Variants in WWTR1 observed in about 807,000 individuals in gnomAD.
WWTR1 encodes the protein WW domain-containing transcription regulator protein 1.
A neutral mutation model predicts 40.1 loss-of-function variants in WWTR1; 13 were observed. The ratio of observed to expected loss-of-function variants is 0.32; its 90% CI spans 0.21 to 0.52. The LOEUF (loss-of-function observed/expected upper bound fraction) is 0.52. Among genes scored for constraint, WWTR1 ranks in the 20% least tolerant of loss-of-function variants. The pLI, the probability that WWTR1 is intolerant of heterozygous loss-of-function variation, is 0.97. For missense variants in WWTR1, 436 were observed against 523.1 expected, an observed-to-expected ratio of 0.83 and a Z score of 1.63; for synonymous variants, 230 against 210.1, an observed-to-expected ratio of 1.09 and a Z score of -0.82.
chr3:149,723,196 T>TC (rs1715799228), intron 4 of WWTR1, among the ~76,000 whole-genome samples: 1 of 144,668 alleles, frequency 6.9e-6, no homozygotes, highest in Non-Finnish European at 1.5e-5. Flanking sequence ...TTTTTTTTTT[T>TC]TTTTTTTTTG....
intron 2 of WWTR1, among the ~76,000 whole-genome samples, chr3:149,634,095 G>T (rs2108113231): frequency 6.6e-6 from 1 of 152,294 alleles, no homozygotes. Context: ...AGGAAGGAAA[G>T]ATGAGAGGTC....
chr3:149,539,791 A>G (rs1736002575), intron 4 of WWTR1, among the ~76,000 whole-genome samples: 1 of 152,044 alleles, frequency 6.6e-6, no homozygotes, highest in Non-Finnish European at 1.5e-5. Flanking sequence ...AAATCACCAA[A>G]AGAGTTCAAA....
intron 2 of WWTR1, among the ~76,000 whole-genome samples, chr3:149,593,129 C>A (rs561842295): frequency 6.6e-6 from 1 of 152,330 alleles, no homozygotes; most frequent in Admixed American, 6.5e-5. Flanking sequence ...TCCCTAGACA[C>A]CACAAATAGG....
chr3:149,677,499 C>A (rs535790892), intron 1 of WWTR1, among the ~76,000 whole-genome samples: 7 of 152,226 alleles, frequency 4.6e-5, no homozygotes, highest in African/African-American at 2.4e-5. Flanking sequence ...CTACAGAGCA[C>A]TTTCCAGTAT....
chr3:149,571,217 T>C (rs1181574584), intron 3 of WWTR1, among the ~76,000 whole-genome samples: 1 of 88,052 alleles, frequency 1.1e-5, no homozygotes, highest in African/African-American at 3.6e-5. Flanking sequence ...TTCTTTTCTT[T>C]TTTTTTTTTT....
chr3:149,637,361 G>A (rs1278119199), intron 2 of WWTR1, among the ~76,000 whole-genome samples: 1 of 151,954 alleles, frequency 6.6e-6, no homozygotes, highest in African/African-American at 2.4e-5. Flanking sequence ...CAGTAGCTGG[G>A]ATTACAGGGG....
rs368881113 is a variant in WWTR1, at chr3:149,657,237, G to C, written c.70C>G (p.Leu24Val). 1.5e-5 allele frequency: 25 copies of C among 1,613,180 alleles called. No homozygotes were observed. Among genetic ancestry groups the C allele is most frequent in the Non-Finnish European group, 5.1e-6 (6 of 1,179,768 alleles). ...AAGAGGGCTTCGAGGTCTGTGTCTA[G>C]GTCCTGCGTGACGTGGATCACTTGC... is the stretch of plus-strand genomic sequence containing the variant. The part of the protein sequence containing the change: ...GQQVIHVTQD[L>V]DTDLEALFNS... The change falls in exon 2 of 7, where the codon CTA becomes GTA. Residue 24 changes from leucine to valine, a missense_variant. Coordinates refer to ENST00000360632, the MANE Select transcript of WWTR1 (RefSeq NM_015472.6).
intron 2 of WWTR1, among the ~76,000 whole-genome samples, chr3:149,627,364 G>T (rs769418413): frequency 6.6e-6 from 1 of 152,170 alleles, no homozygotes; most frequent in Non-Finnish European, 1.5e-5. Flanking sequence ...AATCAACCCT[G>T]AATTTATGCT....
At chr3:149,648,853 C>G (rs1384428510) in intron 2 of WWTR1, 1 of 152,202 alleles carries the variant, frequency 6.6e-6, no homozygotes, top group Non-Finnish European at 1.5e-5. Flanking sequence ...AGCTCTTTGG[C>G]CTGGTTTGTC....
At chr3:149,563,125 T>C (rs1157181147) in intron 3 of WWTR1, among the ~76,000 whole-genome samples, 2 of 152,120 alleles carry the variant, frequency 1.3e-5, no homozygotes, top group African/African-American at 4.8e-5. Context: ...TTGTCAAAAT[T>C]ATTTTTAAAA....
chr3:149,603,718 T>C (rs1415806762), intron 2 of WWTR1, among the ~76,000 whole-genome samples: 1 of 152,156 alleles, frequency 6.6e-6, no homozygotes. Context: ...CAGAAAGTTT[T>C]GTGTTACACA....
intron 1 of WWTR1, among the ~76,000 whole-genome samples, chr3:149,679,416 T>C (rs1714382215): frequency 1.3e-5 from 2 of 152,214 alleles, no homozygotes; most frequent in Admixed American, 1.3e-4. Flanking sequence ...AATGAATATG[T>C]CCTAACTTCC....
chr3:149,717,659 TGATC>T (rs2108235666), intron 4 of WWTR1: 1 of 152,364 alleles, frequency 6.6e-6, no homozygotes, highest in South Asian at 2.1e-4. Flanking sequence ...ACAAGGGTGA[TGATC>T]CAACATAAGC....
At chr3:149,630,376 C>A (rs773361305) in intron 2 of WWTR1, among the ~76,000 whole-genome samples, 12 of 152,086 alleles carry the variant, frequency 7.9e-5, no homozygotes, top group Admixed American at 1.3e-4. Flanking sequence ...AGGTTTTCTA[C>A]CAAGGATAAA....
chr3:149,545,834 T>A (rs532622385), intron 3 of WWTR1, among the ~76,000 whole-genome samples: 24 of 152,332 alleles, frequency 1.6e-4, no homozygotes, highest in African/African-American at 5.5e-4. Flanking sequence ...TGTTAATTTT[T>A]ATAACTTAGA....
At chr3:149,591,853 T>A (rs1014304859) in intron 2 of WWTR1, among the ~76,000 whole-genome samples, 2 of 152,136 alleles carry the variant, frequency 1.3e-5, no homozygotes, top group African/African-American at 4.8e-5. Context: ...AATGTACAAA[T>A]GTTATCATAT....
At chr3:149,523,992 A>C (rs926538554) in intron 6 of WWTR1, among the ~76,000 whole-genome samples, 1 of 152,214 alleles carries the variant, frequency 6.6e-6, no homozygotes, top group Non-Finnish European at 1.5e-5. Context: ...TGACATTATC[A>C]AGTCCATTGT....
intron 1 of WWTR1, among the ~76,000 whole-genome samples, chr3:149,684,779 C>T (rs1714584505): frequency 6.6e-6 from 1 of 151,904 alleles, no homozygotes; most frequent in African/African-American, 2.4e-5. Context: ...GCTCAGGCTG[C>T]TTTCGAACTC....
At chr3:149,679,645 G>A (rs76936979) in intron 1 of WWTR1, among the ~76,000 whole-genome samples, 6,419 of 144,356 alleles carry the variant, frequency 0.044, 280 homozygotes, top group East Asian at 0.13. Flanking sequence ...GGAATGGTGG[G>A]AAAAAAAAAA....
Sources: allele counts gnomAD v4.1 joint callset (sites outside exome capture counted in the v4.1 genomes callset), GRCh38; gene constraint gnomAD v4.1.1; transcripts MANE v1.5; gene names NCBI Gene and HGNC (gene_info 2026-07-23, HGNC 2026-07-21).